Variants in ANO4 observed in about 807,000 individuals in gnomAD.
The protein encoded by ANO4 is anoctamin-4.
A neutral mutation model predicts 141.9 loss-of-function variants in ANO4; 69 were observed. The ratio of observed to expected loss-of-function variants is 0.49; its 90% CI spans 0.40 to 0.59. The LOEUF (loss-of-function observed/expected upper bound fraction) is 0.59, where lower values mean the gene tolerates loss of function less well. Ranked by LOEUF, ANO4 falls within the 20% of genes least tolerant of loss-of-function variation. The pLI is 0.00. For missense variants in ANO4, 894 were observed against 1,162.2 expected (o/e 0.77, Z 3.36); for synonymous variants, 350 against 394.3 (o/e 0.89, Z 1.33).
intron 14 of ANO4, among the ~76,000 whole-genome samples, chr12:101,049,280 A>G (rs1388612931): frequency 6.6e-6 from 1 of 152,142 alleles, no homozygotes; most frequent in Non-Finnish European, 1.5e-5. Flanking sequence ...CATCTTGTTC[A>G]TTATGTCTGC....
At chr12:100,837,673 T>C (rs961296135) in intron 1 of ANO4, among the ~76,000 whole-genome samples, 1 of 149,510 alleles carries the variant, frequency 6.7e-6, no homozygotes, top group Non-Finnish European at 1.5e-5. Flanking sequence ...TGAGCTATGA[T>C]TGGACCACTG....
intron 1 of ANO4, among the ~76,000 whole-genome samples, chr12:100,804,384 C>T (rs1453697054): frequency 6.6e-6 from 1 of 152,116 alleles, no homozygotes; most frequent in African/African-American, 2.4e-5. Flanking sequence ...CATGTCTTTG[C>T]TATTGTGAAC....
intron 1 of ANO4, among the ~76,000 whole-genome samples, chr12:100,804,731 G>T (rs1328368234): frequency 1.3e-5 from 2 of 152,108 alleles, no homozygotes; most frequent in Non-Finnish European, 2.9e-5. Context: ...ATGTTTATTG[G>T]CCGCATGTAT....
At chr12:100,945,163 C>T (rs2136187639) in intron 5 of ANO4, among the ~76,000 whole-genome samples, 1 of 152,302 alleles carries the variant, frequency 6.6e-6, no homozygotes, top group Middle Eastern at 3.4e-3. Context: ...TTATGAAAAA[C>T]ATGTTTCACA....
At chr12:100,947,921 T>A (rs559444493) in intron 5 of ANO4, among the ~76,000 whole-genome samples, 9 of 152,222 alleles carry the variant, frequency 5.9e-5, no homozygotes, top group Admixed American at 3.3e-4. Context: ...TGGTGGCTCA[T>A]GCCTATAATC....
intron 10 of ANO4, 76 bp downstream of exon 10, chr12:101,037,226 A>G (rs575285808): frequency 1.3e-5 from 19 of 1,471,064 alleles, no homozygotes; most frequent in Non-Finnish European, 1.8e-5. Context: ...ATAGTCAATA[A>G]TTGAATTTGT....
At chr12:100,858,494 G>A (rs920230458) in intron 1 of ANO4, among the ~76,000 whole-genome samples, 1 of 152,072 alleles carries the variant, frequency 6.6e-6, no homozygotes, top group Admixed American at 6.5e-5. Context: ...GGTGTGGATT[G>A]TATAATTAAT....
At chr12:100,802,091 G>A (rs2034734757) in intron 1 of ANO4, among the ~76,000 whole-genome samples, 2 of 152,152 alleles carry the variant, frequency 1.3e-5, no homozygotes, top group African/African-American at 2.4e-5. Context: ...AAATCAATCA[G>A]TTTAGACCTG....
chr12:101,122,036 C>T lies in ANO4; in HGVS notation c.2676+1411C>T, dbSNP rs201742571. 1.4e-4 allele frequency among the ~76,000 whole-genome samples: 22 copies of T among 152,210 alleles called. No individual in the cohort carries two copies. The East Asian group carries it at 3.5e-3, about 24-fold the overall frequency. On this transcript the variant is annotated intron_variant, in intron 26 of 27. Transcript: ENST00000392977. ...CCTCCCAAAGTGCTGGGATTACAGG[C>T]GTGAGCCACTGCACTTGGCCTGACT...
At chr12:100,942,257 G>A (rs2042553295) in intron 4 of ANO4, 120 bp from the exon 5 acceptor site, 1 of 1,139,796 alleles carries the variant, frequency 8.8e-7, no homozygotes, top group Admixed American at 2.6e-5. Context: ...GGGATTACAG[G>A]CATGAGCCAC....
intron 1 of ANO4, among the ~76,000 whole-genome samples, chr12:100,855,195 T>C (rs1187526631): frequency 1.3e-5 from 2 of 152,180 alleles, no homozygotes; most frequent in South Asian, 2.1e-4. Context: ...GCATGCATCA[T>C]TTAAGTGTGT....
intron 9 of ANO4, among the ~76,000 whole-genome samples, chr12:101,026,959 T>G (rs2046764345): frequency 6.6e-6 from 1 of 152,208 alleles, no homozygotes; most frequent in Admixed American, 6.5e-5. Flanking sequence ...GATGGCTGAC[T>G]AGAAACAGAA....
intron 5 of ANO4, among the ~76,000 whole-genome samples, chr12:100,950,172 T>G (rs1270903414): frequency 6.6e-6 from 1 of 152,112 alleles, no homozygotes; most frequent in Non-Finnish European, 1.5e-5. Flanking sequence ...TAAATGAGTG[T>G]CAGGACTATG....
At chr12:101,082,070 TC>T (rs1285992587) in intron 15 of ANO4, among the ~76,000 whole-genome samples, 1 of 152,182 alleles carries the variant, frequency 6.6e-6, no homozygotes, top group Non-Finnish European at 1.5e-5. Context: ...TTTGGCTGTG[TC>T]CCCACCCAAA....
intron 18 of ANO4, among the ~76,000 whole-genome samples, chr12:101,095,184 A>G (rs1329596904): frequency 6.6e-6 from 1 of 152,216 alleles, no homozygotes; most frequent in Non-Finnish European, 1.5e-5. Context: ...GACAACAGAT[A>G]GCATTTACTG....
intron 1 of ANO4, among the ~76,000 whole-genome samples, chr12:100,808,853 G>A (rs113728486): frequency 1.6e-4 from 25 of 152,094 alleles, no homozygotes; most frequent in African/African-American, 5.6e-4. Context: ...TTTTAAATTT[G>A]CAATTGAATT....
At chr12:100,775,578 G>A (rs2033474111) in intron 3 of ANO4, among the ~76,000 whole-genome samples, 3 of 152,262 alleles carry the variant, frequency 2.0e-5, no homozygotes, top group South Asian at 4.1e-4. Context: ...AGAATCTCAA[G>A]TATCTCACTT....
chr12:100,885,153 T>C (rs2039768804), intron 1 of ANO4, among the ~76,000 whole-genome samples: 1 of 152,216 alleles, frequency 6.6e-6, no homozygotes, highest in African/African-American at 2.4e-5. Flanking sequence ...TCCTTTTGGA[T>C]ATCCCAGGAT....
intron 1 of ANO4, among the ~76,000 whole-genome samples, chr12:100,821,973 TC>T (rs1457723540): frequency 1.3e-5 from 2 of 151,836 alleles, no homozygotes; most frequent in Non-Finnish European, 2.9e-5. Flanking sequence ...TTCCTCCACA[TC>T]CCCATCAATG....
Sources: allele counts gnomAD v4.1 joint callset (sites outside exome capture counted in the v4.1 genomes callset), GRCh38; gene constraint gnomAD v4.1.1; transcripts MANE v1.5; gene names NCBI Gene and HGNC (gene_info 2026-07-23, HGNC 2026-07-21).